HDAC9: variants seen among roughly 807,000 people sequenced by gnomAD.
The protein encoded by HDAC9 is MEF-2 interacting transcription repressor (MITR) protein.
In HDAC9, 41 loss-of-function variants were observed where a neutral mutation model predicts 139.4. The observed-to-expected ratio is 0.29, with a 90% CI of 0.23 to 0.38. The LOEUF (loss-of-function observed/expected upper bound fraction) is 0.38. Among genes scored for constraint, HDAC9 ranks in the 10% least tolerant of loss-of-function variants. The pLI is 1.00. For missense variants in HDAC9, 1,147 were observed against 1,297.0 expected (o/e 0.88, Z 1.78); for synonymous variants, 517 against 476.2 (o/e 1.09, Z -1.12).
chr7:18,167,836 C>G (rs1788110699), intron 2 of HDAC9, among the ~76,000 whole-genome samples: 1 of 152,206 alleles, frequency 6.6e-6, no homozygotes, highest in South Asian at 2.1e-4. Context: ...TGGTGAACAG[C>G]TGGCCTCTCT....
intron 1 of HDAC9, among the ~76,000 whole-genome samples, chr7:18,108,611 C>CTTTTTTTTT (rs10708554): frequency 2.4e-5 from 2 of 82,982 alleles, no homozygotes; most frequent in Non-Finnish European, 5.2e-5. Context: ...CACTCATCTC[C>CTTTTTTTTT]TTTTTTTTTT....
At chr7:18,388,631 T>A (rs1303049832) in intron 1 of HDAC9, among the ~76,000 whole-genome samples, 1 of 152,192 alleles carries the variant, frequency 6.6e-6, no homozygotes, top group Non-Finnish European at 1.5e-5. Context: ...TAAATGTAGT[T>A]CCTAACTCTG....
In HDAC9 at chr7:18,950,885, C is replaced by T. The variant is rs143599726; in HGVS notation, c.2938-3261C>T. Among the ~76,000 whole-genome samples, 683 of 152,018 alleles carry T rather than the reference C, an allele frequency of 4.5e-3. 4 individuals carry two copies. The highest frequency in any genetic ancestry group is 0.031 in the Middle Eastern group (9 of 294). On this transcript the variant is annotated intron_variant, in intron 23 of 25. Coordinates refer to ENST00000686413, the MANE Select transcript of HDAC9 (RefSeq NM_178425.4). ...GGGAAACGTCAACACATAACAAAAA[C>T]GCTAACAAGTCTATTTAATAGATCC... is the stretch of plus-strand genomic sequence containing the variant.
chr7:18,837,738 A>G (rs1041508615), intron 21 of HDAC9, among the ~76,000 whole-genome samples: 1 of 152,108 alleles, frequency 6.6e-6, no homozygotes, highest in Admixed American at 6.6e-5. Context: ...TGAGCGGTGG[A>G]TGAGATTTTT....
At chr7:18,339,171 G>C (rs1027774137) in intron 1 of HDAC9, among the ~76,000 whole-genome samples, 1 of 151,200 alleles carries the variant, frequency 6.6e-6, no homozygotes, top group Non-Finnish European at 1.5e-5. Context: ...GATCAGTCAG[G>C]CTACAAGTTT....
intron 6 of HDAC9, among the ~76,000 whole-genome samples, chr7:18,611,328 T>C (rs1359717931): frequency 6.6e-6 from 1 of 152,138 alleles, no homozygotes; most frequent in Non-Finnish European, 1.5e-5. Flanking sequence ...GCAAGAATAA[T>C]ATATATTTGT....
intron 12 of HDAC9, among the ~76,000 whole-genome samples, chr7:18,682,562 A>G (rs994988338): frequency 1.3e-5 from 2 of 152,024 alleles, no homozygotes; most frequent in African/African-American, 4.8e-5. Context: ...GGAAACACCC[A>G]TGTTCTCTAA....
chr7:18,277,492 G>A (rs1796816390), intron 2 of HDAC9, among the ~76,000 whole-genome samples: 1 of 152,194 alleles, frequency 6.6e-6, no homozygotes, highest in African/African-American at 2.4e-5. Context: ...GTGGGAGGAG[G>A]AGGATGACAG....
At chr7:18,148,286 T>G (rs1786498250) in intron 1 of HDAC9, among the ~76,000 whole-genome samples, 1 of 152,090 alleles carries the variant, frequency 6.6e-6, no homozygotes, top group East Asian at 1.9e-4. Context: ...TAGGGAAGAA[T>G]CCATTTGCTT....
intron 2 of HDAC9, among the ~76,000 whole-genome samples, chr7:18,175,081 G>A (rs1788776426): frequency 6.6e-6 from 1 of 152,222 alleles, no homozygotes. Flanking sequence ...TACAGAGGCA[G>A]CGGGCCTTGC....
At chr7:18,943,939 A>G (rs916402957) in intron 23 of HDAC9, among the ~76,000 whole-genome samples, 5 of 152,142 alleles carry the variant, frequency 3.3e-5, no homozygotes, top group East Asian at 1.9e-4. Context: ...TTGATTGTCA[A>G]TACAATCACC....
intron 22 of HDAC9, among the ~76,000 whole-genome samples, chr7:18,888,565 C>G (rs12700010): frequency 0.25 from 37,813 of 152,138 alleles, 4,718 homozygotes; most frequent in South Asian, 0.34. Flanking sequence ...ACTTGTCTTA[C>G]AAGTGTCTAT....
intron 1 of HDAC9, among the ~76,000 whole-genome samples, chr7:18,467,447 G>A (rs1004735012): frequency 1.3e-5 from 2 of 151,894 alleles, no homozygotes; most frequent in African/African-American, 4.8e-5. Flanking sequence ...CTGCTTTCTT[G>A]CCTAAGTTAT....
intron 1 of HDAC9, among the ~76,000 whole-genome samples, chr7:18,147,006 T>A (rs528075059): frequency 6.6e-6 from 1 of 152,356 alleles, no homozygotes; most frequent in African/African-American, 2.4e-5. Context: ...AATATTTGCA[T>A]ATTTTAGCAA....
intron 2 of HDAC9, among the ~76,000 whole-genome samples, chr7:18,497,960 G>T (rs145858234): frequency 6.6e-6 from 1 of 152,168 alleles, no homozygotes; most frequent in East Asian, 1.9e-4. Flanking sequence ...TTTCAGTAGA[G>T]ATTGTCATTT....
At chr7:18,977,193 C>A (rs976020015) in intron 25 of HDAC9, among the ~76,000 whole-genome samples, 9 of 152,154 alleles carry the variant, frequency 5.9e-5, no homozygotes, top group Non-Finnish European at 1.2e-4. Flanking sequence ...TACTTTACAT[C>A]TTTGATAATA....
At chr7:18,383,959 T>C (rs908768245) in intron 1 of HDAC9, among the ~76,000 whole-genome samples, 1 of 151,826 alleles carries the variant, frequency 6.6e-6, no homozygotes, top group Non-Finnish European at 1.5e-5. Context: ...TTGTCTTAAA[T>C]GTACTAGTTA....
At chr7:18,423,515 A>G (rs746867153) in intron 1 of HDAC9, among the ~76,000 whole-genome samples, 1 of 152,230 alleles carries the variant, frequency 6.6e-6, no homozygotes, top group Non-Finnish European at 1.5e-5. Flanking sequence ...TCTGTAAAAT[A>G]TTATCCCCAC....
intron 2 of HDAC9, among the ~76,000 whole-genome samples, chr7:18,189,783 A>G (rs1301989700): frequency 6.6e-6 from 1 of 152,198 alleles, no homozygotes; most frequent in African/African-American, 2.4e-5. Context: ...CCAAGTGTCA[A>G]AAAACCCAAA....
Sources: allele counts gnomAD v4.1 joint callset (sites outside exome capture counted in the v4.1 genomes callset), GRCh38; gene constraint gnomAD v4.1.1; transcripts MANE v1.5; gene names NCBI Gene and HGNC (gene_info 2026-07-23, HGNC 2026-07-21).